The following TRAIP variants were observed in gnomAD, a reference collection of about 807,000 sequenced individuals.
TRAIP encodes TRAF interacting protein, also known as E3 ubiquitin-protein ligase TRAIP.
In TRAIP, 37 loss-of-function variants were observed where a neutral mutation model predicts 65.0. The ratio of observed to expected loss-of-function variants is 0.57; its 90% CI spans 0.44 to 0.75. The LOEUF is 0.75. TRAIP is among the 30% of genes least tolerant of loss of function. The pLI is 0.00. For missense variants in TRAIP, 481 were observed against 579.4 expected (o/e 0.83, Z 1.74); for synonymous variants, 187 against 219.1 (o/e 0.85, Z 1.29).
rs371830372 is a variant in TRAIP at position 49,844,622 on chromosome 3, A to G, written c.241-42T>C. 4.3e-6 allele frequency: 7 copies of G among 1,612,574 alleles called. No individual in the cohort carries two copies. The African/African-American group carries it at 8.0e-5, about 18-fold the overall frequency. On this transcript the variant is annotated intron_variant, in intron 3 of 14. Coordinates refer to ENST00000331456, the MANE Select transcript of TRAIP (RefSeq NM_005879.3). Reference sequence around the variant, plus strand: ...ACAATAAGCAGCAGGAAAGCATCATAGCTGACCTCCACGTGGTCTCCCATA... The same window carrying G: ...ACAATAAGCAGCAGGAAAGCATCATGGCTGACCTCCACGTGGTCTCCCATA...
intron 11 of TRAIP, 43 bp from the exon 12 acceptor site, chr3:49,830,111 A>T: frequency 6.2e-7 from 1 of 1,607,310 alleles, no homozygotes. Flanking sequence ...TAAGCAAGAC[A>T]TGGGGGCAGG....
chr3:49,838,610 G>C (rs116654401), intron 10 of TRAIP, among the ~76,000 whole-genome samples: 1 of 152,288 alleles, frequency 6.6e-6, no homozygotes, highest in African/African-American at 2.4e-5. Flanking sequence ...AAGCAACCAG[G>C]CACGGTGGCT....
At chr3:49,844,689 G>T in intron 3 of TRAIP, 109 bp from the exon 4 acceptor site, 1 of 1,275,366 alleles carries the variant, frequency 7.8e-7, no homozygotes, top group African/African-American at 1.5e-5. Context: ...AGGCCTTCTA[G>T]GGCATGAATC....
At position 49,851,429 on chromosome 3, in the gene TRAIP, T is replaced by C. The variant is rs141125686; in HGVS notation, c.99-3229A>G. ...TTTGAAATGGGGTCTCACTCTGTCA[T>C]CCAGGCTGGAGTGCAGCAGCACAAT... On this transcript the variant is annotated intron_variant, in intron 1 of 14. Transcript: ENST00000331456. Among the ~76,000 whole-genome samples, 476 of 152,054 alleles carry C rather than the reference T, an allele frequency of 3.1e-3. 14 individuals carry two copies. Among genetic ancestry groups the C allele is most frequent in the Admixed American group, 0.028 (431 of 15,278 alleles).
At chr3:49,831,806 G>T in intron 11 of TRAIP, 110 bp downstream of exon 11, 1 of 1,294,422 alleles carries the variant, frequency 7.7e-7, no homozygotes, top group Non-Finnish European at 1.0e-6. Flanking sequence ...CCAAGCCTAG[G>T]CAACCCTCAC....
intron 7 of TRAIP, among the ~76,000 whole-genome samples, chr3:49,841,411 GC>G (rs2081838024): frequency 6.6e-6 from 1 of 152,176 alleles, no homozygotes; most frequent in African/African-American, 2.4e-5. Flanking sequence ...CACCCTTCCT[GC>G]CAACCTTACA....
intron 1 of TRAIP, among the ~76,000 whole-genome samples, chr3:49,854,901 A>C (rs1374231330): frequency 6.6e-6 from 1 of 151,144 alleles, no homozygotes; most frequent in African/African-American, 2.4e-5. Context: ...TACTAAAAAT[A>C]CAAAAAAAAA....
rs779748957 is a variant in TRAIP at position 49,832,078 on chromosome 3, G to A, written c.885-10C>T. The A allele has an allele frequency of 6.4e-7, 1 of 1,571,510 alleles. No individual in the cohort carries two copies. ...CTCCACAGGGGCTGGGCTGAAGGCA[G>A]AGATGACCTGGTTACTTGGGGCCAC... On this transcript the variant is annotated splice_polypyrimidine_tract_variant and intron_variant, in intron 10 of 14. Transcript: ENST00000331456.
intron 10 of TRAIP, among the ~76,000 whole-genome samples, chr3:49,837,333 G>A (rs1214654147): frequency 6.6e-6 from 1 of 152,072 alleles, no homozygotes; most frequent in Non-Finnish European, 1.5e-5. Flanking sequence ...CGTAATCCCA[G>A]CACTTTAGTC....
intron 13 of TRAIP, 52 bp downstream of exon 13, chr3:49,829,565 C>T: frequency 6.2e-7 from 1 of 1,614,124 alleles, no homozygotes. Context: ...GGCTGGCCAC[C>T]CATTTCTACC....
chr3:49,831,124 G>A (rs189313626), intron 11 of TRAIP, among the ~76,000 whole-genome samples: 1 of 152,290 alleles, frequency 6.6e-6, no homozygotes, highest in East Asian at 1.9e-4. Flanking sequence ...ACCAGGCCTC[G>A]CCCTCTACAA....
At position 49,841,010 on chromosome 3, in the gene TRAIP, T is replaced by C. The variant is rs2081834132; in HGVS notation, c.680A>G (p.Lys227Arg). 1.9e-6 allele frequency: 3 copies of C among 1,614,060 alleles called. No individual in the cohort carries two copies. The highest frequency in any genetic ancestry group is 1.7e-5 in the Admixed American group (1 of 59,998). ...ASGEVADKLRKDLFSSRSKLQ... is the reference protein window; with the variant it reads ...ASGEVADKLRRDLFSSRSKLQ... Reference sequence around the variant, plus strand: ...CTTGCTTCTGGAGGAAAACAAATCCTTCCTCAGCTTGTCAGCCACCTCCCC... The same window carrying C: ...CTTGCTTCTGGAGGAAAACAAATCCCTCCTCAGCTTGTCAGCCACCTCCCC... The change falls in exon 8 of 15, where the codon AAG (lysine) becomes AGG (arginine). Residue 227 changes from lysine to arginine, a missense_variant. Physicochemically the swap from Lys to Arg is conservative, Grantham distance 26. Coordinates refer to ENST00000331456, the MANE Select transcript of TRAIP (RefSeq NM_005879.3).
At chr3:49,846,760 C>T (rs1182042914) in intron 3 of TRAIP, among the ~76,000 whole-genome samples, 1 of 152,214 alleles carries the variant, frequency 6.6e-6, no homozygotes, top group Non-Finnish European at 1.5e-5. Flanking sequence ...ACTCCCAGGC[C>T]AGGCACAGTG....
Position 49,856,354 on chromosome 3 carries a change from A to G in TRAIP, c.98+2T>C. On this transcript the variant is annotated splice_donor_variant, in intron 1 of 14. Coordinates refer to ENST00000331456, the MANE Select transcript of TRAIP (RefSeq NM_005879.3). LOFTEE classifies it high-confidence loss of function. ...CCGGGCCCCAACACTGCAGTCACTC[A>G]CCACTGCAAGTGGAAGGTGTGGCCG... is the stretch of plus-strand genomic sequence containing the variant. The G allele has an allele frequency of 6.2e-7, 1 of 1,611,642 alleles. No homozygotes were observed. Among genetic ancestry groups the G allele is most frequent in the Non-Finnish European group, 8.5e-7 (1 of 1,177,862 alleles).
At chr3:49,843,974 C>A in intron 4 of TRAIP, 46 bp from the exon 5 acceptor site, 1 of 1,565,990 alleles carries the variant, frequency 6.4e-7, no homozygotes, top group South Asian at 1.2e-5. Context: ...GCCTGTCCAT[C>A]CATCAGCAGA....
At chr3:49,847,690 A>C in intron 2 of TRAIP, 82 bp from the exon 3 acceptor site, 1 of 909,270 alleles carries the variant, frequency 1.1e-6, no homozygotes, top group Non-Finnish European at 1.7e-6. Context: ...GGGTCTGACT[A>C]CCTGCCTGAC....
At chr3:49,830,241 G>A (rs1410891406) in intron 11 of TRAIP, among the ~76,000 whole-genome samples, 173 bp from the exon 12 acceptor site, 3 of 152,202 alleles carry the variant, frequency 2.0e-5, no homozygotes, top group Non-Finnish European at 4.4e-5. Flanking sequence ...GTTAACAGCT[G>A]GACAGCCACA....
At chr3:49,853,425 C>A (rs560319515) in intron 1 of TRAIP, among the ~76,000 whole-genome samples, 2 of 151,830 alleles carry the variant, frequency 1.3e-5, no homozygotes, top group East Asian at 3.9e-4. Flanking sequence ...GCTAACATAG[C>A]GAGACCTTGT....
At position 49,829,462 on chromosome 3, in the gene TRAIP, T is replaced by C; in HGVS notation, c.1283A>G (p.Gln428Arg). Residue 428 changes from glutamine (Q) to arginine (R), a missense_variant, in exon 14 of 15, where the codon CAG (glutamine) becomes CGG (arginine). By Grantham distance (43) the Gln-to-Arg change is conservative (BLOSUM62 1). Coordinates refer to ENST00000331456, the MANE Select transcript of TRAIP (RefSeq NM_005879.3). ...DGLGGRTKFI[Q>R]PTDTVMIRPL... ...AACATCACAGGAAAAGGATACAGGC[T>C]GGATGAATTTTGTCCGGCCACCGAG... 1 of 1,614,034 alleles carries C rather than the reference T, an allele frequency of 6.2e-7. No homozygotes were observed.
Sources: gnomAD v4.1 joint callset for allele counts (sites outside exome capture counted in the v4.1 genomes callset) on GRCh38, gnomAD v4.1.1 for gene constraint, MANE v1.5 for transcripts, NCBI Gene and HGNC (gene_info 2026-07-23, HGNC 2026-07-21) for gene names.